DCAF5: variants seen among roughly 807,000 people sequenced by gnomAD.
DCAF5 encodes DDB1- and CUL4-associated factor 5.
Under a neutral mutation model 80.7 loss-of-function variants are expected in DCAF5, and 9 were observed. The observed-to-expected ratio is 0.11, with a 90% CI of 0.07 to 0.19. The LOEUF is 0.19. Ranked by LOEUF, DCAF5 falls within the 10% of genes least tolerant of loss-of-function variation. DCAF5 has a pLI of 1.00. For missense variants in DCAF5, 842 were observed against 1,205.7 expected (o/e 0.70, Z 4.47); for synonymous variants, 433 against 461.9 (o/e 0.94, Z 0.80).
intron 1 of DCAF5, among the ~76,000 whole-genome samples, chr14:69,132,435 A>C (rs776772973): frequency 1.8e-4 from 28 of 152,188 alleles, no homozygotes; most frequent in Non-Finnish European, 4.1e-4. Context: ...ATCATTCTAC[A>C]AACAGTTTGA....
chr14:69,062,363 C>A (rs2038250165), intron 8 of DCAF5, 21 bp downstream of exon 8: 1 of 1,610,616 alleles, frequency 6.2e-7, no homozygotes, highest in Non-Finnish European at 8.5e-7. Context: ...TCTAAAAGGA[C>A]AGAAGGGGAA....
intron 1 of DCAF5, among the ~76,000 whole-genome samples, chr14:69,127,107 T>C (rs900867711): frequency 2.0e-5 from 3 of 152,222 alleles, no homozygotes; most frequent in Non-Finnish European, 2.9e-5. Context: ...CGTACTCTTA[T>C]CACGCAATCC....
chr14:69,070,520 C>T (rs1156989061), intron 7 of DCAF5, among the ~76,000 whole-genome samples: 2 of 152,164 alleles, frequency 1.3e-5, no homozygotes, highest in Admixed American at 1.3e-4. Flanking sequence ...ATGTAACTTG[C>T]TAAGAATCAG....
intron 6 of DCAF5, 73 bp from the exon 7 acceptor site, chr14:69,075,484 CAT>C: frequency 6.0e-6 from 6 of 1,003,352 alleles, no homozygotes; most frequent in Non-Finnish European, 8.0e-6. Context: ...TAACAATAAA[CAT>C]ATTAATTTTT....
intron 5 of DCAF5, among the ~76,000 whole-genome samples, chr14:69,103,391 TTAA>T (rs1243554506): frequency 3.9e-5 from 6 of 152,234 alleles, no homozygotes; most frequent in Admixed American, 2.0e-4. Flanking sequence ...GTGGACAGTT[TTAA>T]AAGGAGAACA....
At chr14:69,140,811 T>C (rs2041346550) in intron 1 of DCAF5, among the ~76,000 whole-genome samples, 1 of 152,048 alleles carries the variant, frequency 6.6e-6, no homozygotes, top group African/African-American at 2.4e-5. Flanking sequence ...AGCCTCTATC[T>C]GGTACCTTAA....
intron 5 of DCAF5, among the ~76,000 whole-genome samples, chr14:69,107,977 G>C (rs1595011838): frequency 6.6e-6 from 1 of 152,296 alleles, no homozygotes; most frequent in East Asian, 1.9e-4. Flanking sequence ...ATACATATTA[G>C]GACAAATGCC....
intron 1 of DCAF5, among the ~76,000 whole-genome samples, chr14:69,128,193 C>CT (rs554746869): frequency 0.12 from 16,531 of 141,972 alleles, 1,484 homozygotes; most frequent in African/African-American, 0.25. Context: ...TTTTCTTCTT[C>CT]TTTTTTTTTT....
At position 69,119,233 on chromosome 14, in the gene DCAF5, G is replaced by A. The variant is rs752215929; in HGVS notation, c.359-3C>T. On this transcript the variant is annotated splice_region_variant and splice_polypyrimidine_tract_variant and intron_variant, in intron 2 of 8. Coordinates refer to ENST00000341516, the MANE Select transcript of DCAF5 (RefSeq NM_003861.3). The stretch of plus-strand genomic sequence containing the variant: ...GAGGATAACTTGCTCATCATTGCCT[G>A]CAAAAGAAAAAAGCAGACATCTGAT... The A allele has an allele frequency of 2.5e-6, 4 of 1,613,054 alleles. No homozygotes were observed. In the South Asian group the frequency reaches 4.4e-5, roughly 18 times the overall value.
At chr14:69,111,527 A>G (rs1159783577) in intron 5 of DCAF5, among the ~76,000 whole-genome samples, 2 of 152,226 alleles carry the variant, frequency 1.3e-5, no homozygotes, top group Non-Finnish European at 2.9e-5. Context: ...GACAGAAAAT[A>G]AAGAGATTGG....
chr14:69,104,061 T>C (rs945324159), intron 5 of DCAF5, among the ~76,000 whole-genome samples: 4 of 152,222 alleles, frequency 2.6e-5, no homozygotes, highest in Non-Finnish European at 4.4e-5. Flanking sequence ...TGAACATTCA[T>C]GTACAAGTTT....
intron 6 of DCAF5, chr14:69,083,834 T>C: frequency 1.4e-6 from 1 of 732,840 alleles, no homozygotes; most frequent in South Asian, 1.5e-5. Flanking sequence ...GAAAATAATG[T>C]TGAGAAGCCA....
At chr14:69,144,296 G>A (rs1323603260) in intron 1 of DCAF5, among the ~76,000 whole-genome samples, 1 of 152,190 alleles carries the variant, frequency 6.6e-6, no homozygotes, top group African/African-American at 2.4e-5. Flanking sequence ...CACAAGGCCA[G>A]GCGCGGTGGC....
At chr14:69,082,898 C>T (rs996424025) in intron 6 of DCAF5, among the ~76,000 whole-genome samples, 1 of 152,188 alleles carries the variant, frequency 6.6e-6, no homozygotes, top group African/African-American at 2.4e-5. Context: ...TCATTAACAT[C>T]TACCAGGGAT....
At chr14:69,128,500 T>A (rs1191244980) in intron 1 of DCAF5, among the ~76,000 whole-genome samples, 1 of 152,132 alleles carries the variant, frequency 6.6e-6, no homozygotes. Flanking sequence ...AATAAAGAGT[T>A]TTGGATTATG....
intron 1 of DCAF5, among the ~76,000 whole-genome samples, chr14:69,142,068 G>A (rs2041393403): frequency 6.6e-6 from 1 of 152,184 alleles, no homozygotes; most frequent in Non-Finnish European, 1.5e-5. Context: ...GCCAAGGTGA[G>A]AGGATCACTT....
chr14:69,137,246 C>T (rs1008290057), intron 1 of DCAF5, among the ~76,000 whole-genome samples: 3 of 152,114 alleles, frequency 2.0e-5, no homozygotes, highest in African/African-American at 7.2e-5. Context: ...ACACTAAAAA[C>T]GGGTTCTTAG....
chr14:69,137,716 C>G (rs868623194), intron 1 of DCAF5, among the ~76,000 whole-genome samples: 62 of 152,152 alleles, frequency 4.1e-4, no homozygotes, highest in African/African-American at 1.4e-3. Context: ...TACAGTAAGC[C>G]CCTTTGCCCA....
At chr14:69,073,460 C>A (rs1405824827) in intron 7 of DCAF5, among the ~76,000 whole-genome samples, 1 of 152,022 alleles carries the variant, frequency 6.6e-6, no homozygotes, top group African/African-American at 2.4e-5. Context: ...GCAGCTCTGG[C>A]AGACTAGATG....
Sources: allele counts gnomAD v4.1 joint callset (sites outside exome capture counted in the v4.1 genomes callset), GRCh38; gene constraint gnomAD v4.1.1; transcripts MANE v1.5; gene names NCBI Gene and HGNC (gene_info 2026-07-23, HGNC 2026-07-21).